SH3RF3: variants seen among roughly 807,000 people sequenced by gnomAD.
SH3RF3 encodes E3 ubiquitin-protein ligase SH3RF3.
A neutral mutation model predicts 66.3 loss-of-function variants in SH3RF3; 29 were observed. The ratio of observed to expected loss-of-function variants is 0.44; its 90% CI spans 0.33 to 0.60. The LOEUF is 0.60. SH3RF3 is among the 20% of genes least tolerant of loss of function. SH3RF3 has a pLI of 0.04. For synonymous variants in SH3RF3, 583 were observed against 532.0 expected (o/e 1.10, Z -1.32); for missense variants, 1,194 against 1,190.9 (o/e 1.00, Z -0.04).
intron 1 of SH3RF3, among the ~76,000 whole-genome samples, chr2:109,288,663 C>G (rs1442661921): frequency 6.6e-6 from 1 of 152,186 alleles, no homozygotes; most frequent in Admixed American, 6.5e-5. Context: ...TCTTTTCACT[C>G]AATTACGTTT....
chr2:109,409,635 C>T (rs1324459543), intron 4 of SH3RF3, among the ~76,000 whole-genome samples: 12 of 152,208 alleles, frequency 7.9e-5, no homozygotes, highest in South Asian at 4.2e-4. Context: ...GGGCAGAAGG[C>T]GTGGCTGCTG....
At chr2:109,147,048 C>A (rs934184401) in intron 1 of SH3RF3, among the ~76,000 whole-genome samples, 3 of 152,048 alleles carry the variant, frequency 2.0e-5, no homozygotes, top group Non-Finnish European at 4.4e-5. Flanking sequence ...AGGCTCTGCC[C>A]TCCCAACAAC....
Position 109,302,424 on chromosome 2 carries a change from A to G in SH3RF3, c.574-45250A>G, listed in dbSNP as rs190279480. 1.1e-3 allele frequency among the ~76,000 whole-genome samples: 162 copies of G among 152,362 alleles called. 2 individuals carry two copies. Among genetic ancestry groups the G allele is most frequent in the South Asian group, 3.1e-3 (15 of 4,832 alleles). ...AACACAGAACTGGTGCAATCCTGCCATGCCATGGAGGCAGAGAGCCAGGAA... is the reference window on the plus strand; with the variant it reads ...AACACAGAACTGGTGCAATCCTGCCGTGCCATGGAGGCAGAGAGCCAGGAA... On this transcript the variant is annotated intron_variant, in intron 1 of 9. Coordinates refer to ENST00000309415, the MANE Select transcript of SH3RF3 (RefSeq NM_001099289.3).
intron 1 of SH3RF3, among the ~76,000 whole-genome samples, chr2:109,246,433 C>T (rs746998843): frequency 4.6e-5 from 7 of 152,134 alleles, no homozygotes; most frequent in Non-Finnish European, 5.9e-5. Flanking sequence ...CCTCACGATC[C>T]GGTCACCTCC....
chr2:109,403,831 C>T (rs543004547), intron 4 of SH3RF3, among the ~76,000 whole-genome samples: 60 of 152,312 alleles, frequency 3.9e-4, no homozygotes, highest in Middle Eastern at 3.4e-3. Flanking sequence ...GCTGCCTGAC[C>T]TCTTCCCAAA....
intron 1 of SH3RF3, among the ~76,000 whole-genome samples, chr2:109,207,796 A>G (rs751124427): frequency 6.6e-6 from 1 of 152,186 alleles, no homozygotes; most frequent in Non-Finnish European, 1.5e-5. Flanking sequence ...GATTTTGATC[A>G]GTTTAAATGG....
chr2:109,309,375 C>G (rs74575313), intron 1 of SH3RF3, among the ~76,000 whole-genome samples: 1 of 146,928 alleles, frequency 6.8e-6, no homozygotes, highest in Non-Finnish European at 1.5e-5. Context: ...AAGGAACAAC[C>G]GGTACCAGCT....
At chr2:109,378,547 CTT>C (rs1007071194) in intron 3 of SH3RF3, among the ~76,000 whole-genome samples, 5 of 152,164 alleles carry the variant, frequency 3.3e-5, no homozygotes, top group African/African-American at 9.7e-5. Context: ...TGGTTACTGA[CTT>C]TGTGAATTTT....
chr2:109,497,673 A>G (rs548879707), intron 9 of SH3RF3, among the ~76,000 whole-genome samples: 7 of 152,362 alleles, frequency 4.6e-5, no homozygotes, highest in African/African-American at 1.4e-4. Context: ...AGCAGGAAGA[A>G]CAGCTCAGAG....
At chr2:109,200,969 C>A (rs1388898917) in intron 1 of SH3RF3, among the ~76,000 whole-genome samples, 1 of 152,174 alleles carries the variant, frequency 6.6e-6, no homozygotes, top group Non-Finnish European at 1.5e-5. Flanking sequence ...CCCACACTGG[C>A]ACCCGGGCTG....
intron 4 of SH3RF3, among the ~76,000 whole-genome samples, chr2:109,405,208 T>C (rs1676422884): frequency 6.6e-6 from 1 of 152,148 alleles, no homozygotes; most frequent in African/African-American, 2.4e-5. Context: ...ACGCCTCAAC[T>C]TCAGCGCATG....
chr2:109,165,670 C>T (rs1391779612), intron 1 of SH3RF3, among the ~76,000 whole-genome samples: 1 of 152,158 alleles, frequency 6.6e-6, no homozygotes, highest in Non-Finnish European at 1.5e-5. Context: ...ACACTTGGAG[C>T]CCACATAGCA....
In SH3RF3 at chr2:109,132,011, C is replaced by A. The variant is rs182136933; in HGVS notation, c.573+1898C>A. ...TTGTAATAGCATATCAGGCATTGAG[C>A]AACCCTATACAGTTGGTTGACAAAG... On this transcript the variant is annotated intron_variant, in intron 1 of 9. Transcript: ENST00000309415. Among the ~76,000 whole-genome samples the A allele has an allele frequency of 5.3e-4, 81 of 152,320 alleles. 1 individual carries two copies. Among genetic ancestry groups the A allele is most frequent in the African/African-American group, 1.6e-3 (67 of 41,580 alleles).
chr2:109,227,283 G>A (rs1008221673), intron 1 of SH3RF3, among the ~76,000 whole-genome samples: 1 of 152,124 alleles, frequency 6.6e-6, no homozygotes, highest in Non-Finnish European at 1.5e-5. Context: ...GCTAGAAGAA[G>A]CTCTGTGAAT....
At chr2:109,491,131 A>T in intron 9 of SH3RF3, among the ~76,000 whole-genome samples, 195 bp downstream of exon 9, 1 of 152,200 alleles carries the variant, frequency 6.6e-6, no homozygotes, top group East Asian at 1.9e-4. Context: ...CTGGAGTGTT[A>T]TTTCATGTTC....
intron 4 of SH3RF3, among the ~76,000 whole-genome samples, chr2:109,410,023 A>G (rs1410391014): frequency 6.6e-6 from 1 of 152,184 alleles, no homozygotes; most frequent in Non-Finnish European, 1.5e-5. Flanking sequence ...ACAGCCTGCC[A>G]ACGCCCAGAC....
rs150911472 is a variant in SH3RF3 at position 109,327,313 on chromosome 2, G to A, written c.574-20361G>A. Among the ~76,000 whole-genome samples the A allele has an allele frequency of 3.5e-3, 532 of 152,224 alleles. 5 individuals are homozygous for A. Among genetic ancestry groups the A allele is most frequent in the African/African-American group, 0.012 (497 of 41,508 alleles). On this transcript the variant is annotated intron_variant, in intron 1 of 9. Transcript: ENST00000309415. ...TTAAACAGCCCAGCCTTTCCCTGCC[G>A]CTGGTAAATCACATCATCTGCACAT...
At chr2:109,185,277 C>A (rs978718392) in intron 1 of SH3RF3, among the ~76,000 whole-genome samples, 1 of 152,136 alleles carries the variant, frequency 6.6e-6, no homozygotes, top group Non-Finnish European at 1.5e-5. Context: ...CTTTCCTAAT[C>A]GATGTGAATA....
In SH3RF3 at chr2:109,129,232, C is replaced by A; in HGVS notation, c.-309C>A. ...AGAACCCGTTGAGCTTCGTGCCCGG[C>A]AGCACCCCCGGTCCCCCGCGCGGGG... On this transcript the variant is annotated 5_prime_UTR_variant, in exon 1 of 10. Transcript: ENST00000309415. 1.8e-6 allele frequency: 1 copy of A among 557,080 alleles called. No individual in the cohort carries two copies. The allele number at this position is 557,080 out of a possible 1,614,324, so 34.5% of individuals were successfully genotyped here.
Sources: allele counts gnomAD v4.1 joint callset (sites outside exome capture counted in the v4.1 genomes callset), GRCh38; gene constraint gnomAD v4.1.1; transcripts MANE v1.5; gene names NCBI Gene and HGNC (gene_info 2026-07-23, HGNC 2026-07-21).